Variants in CNTN3 observed in about 807,000 individuals in gnomAD.
CNTN3 encodes contactin 3.
Under a neutral mutation model 119.1 loss-of-function variants are expected in CNTN3, and 60 were observed. That is an observed-to-expected ratio of 0.50 (90% CI 0.41 to 0.62). The LOEUF (loss-of-function observed/expected upper bound fraction) is 0.62, where lower values mean the gene tolerates loss of function less well. CNTN3 is among the 20% of genes least tolerant of loss of function. The pLI, the probability that CNTN3 is intolerant of heterozygous loss-of-function variation, is 0.00. For missense variants in CNTN3, 1,101 were observed against 1,242.4 expected, an observed-to-expected ratio of 0.89 and a Z score of 1.71; for synonymous variants, 450 against 438.7, an observed-to-expected ratio of 1.03 and a Z score of -0.32.
intron 1 of CNTN3, among the ~76,000 whole-genome samples, chr3:74,583,657 G>A (rs1356792129): frequency 6.6e-6 from 1 of 152,164 alleles, no homozygotes; most frequent in Non-Finnish European, 1.5e-5. Context: ...CCTGTGACTA[G>A]CTGGGTATAA....
chr3:74,570,389 G>A (rs893499485), intron 1 of CNTN3, among the ~76,000 whole-genome samples: 24 of 151,994 alleles, frequency 1.6e-4, no homozygotes, highest in African/African-American at 5.3e-4. Flanking sequence ...AGAGTATTCT[G>A]TTCATGTAGA....
intron 1 of CNTN3, among the ~76,000 whole-genome samples, chr3:74,586,524 A>G (rs1170801111): frequency 6.6e-6 from 1 of 152,084 alleles, no homozygotes; most frequent in Admixed American, 6.6e-5. Context: ...ATAGAGCACA[A>G]ATTTGGACTG....
chr3:74,388,125 G>A (rs1441696620), intron 5 of CNTN3, among the ~76,000 whole-genome samples: 3 of 152,156 alleles, frequency 2.0e-5, no homozygotes, highest in Non-Finnish European at 4.4e-5. Flanking sequence ...ACTGCCAGGA[G>A]AGTGTCTGAT....
At chr3:74,352,888 G>A (rs1240579181) in intron 11 of CNTN3, among the ~76,000 whole-genome samples, 1 of 152,158 alleles carries the variant, frequency 6.6e-6, no homozygotes, top group African/African-American at 2.4e-5. Context: ...CACTGAGCTT[G>A]CACGCCTACC....
chr3:74,385,990 A>AT (rs1158080722), intron 5 of CNTN3, among the ~76,000 whole-genome samples: 2 of 152,094 alleles, frequency 1.3e-5, no homozygotes, highest in Non-Finnish European at 2.9e-5. Flanking sequence ...ATATTAACTT[A>AT]TTTTTTCCTC....
intron 5 of CNTN3, among the ~76,000 whole-genome samples, chr3:74,415,664 T>C (rs1701508019): frequency 6.6e-6 from 1 of 152,094 alleles, no homozygotes; most frequent in African/African-American, 2.4e-5. Flanking sequence ...CACAAGCTGT[T>C]TCATAGAACC....
At chr3:74,450,781 T>C (rs1289106123) in intron 4 of CNTN3, among the ~76,000 whole-genome samples, 2 of 151,312 alleles carry the variant, frequency 1.3e-5, no homozygotes, top group South Asian at 2.1e-4. Context: ...TTTGTTCTTG[T>C]GATAGTTTAC....
At chr3:74,399,956 TGA>T (rs1705152606) in intron 5 of CNTN3, among the ~76,000 whole-genome samples, 1 of 152,202 alleles carries the variant, frequency 6.6e-6, no homozygotes, top group African/African-American at 2.4e-5. Context: ...GGTGTCTTAC[TGA>T]TGTTTTTATC....
chr3:74,418,774 T>A (rs1388395626), intron 5 of CNTN3, among the ~76,000 whole-genome samples: 7 of 151,688 alleles, frequency 4.6e-5, no homozygotes, highest in Non-Finnish European at 1.0e-4. Flanking sequence ...TTAAAGTTTA[T>A]TTTATTTTAA....
intron 1 of CNTN3, among the ~76,000 whole-genome samples, chr3:74,607,516 G>C (rs1233801644): frequency 6.6e-6 from 1 of 152,156 alleles, no homozygotes; most frequent in Admixed American, 6.5e-5. Flanking sequence ...TCCTGCCCAA[G>C]CCTGACCACA....
At chr3:74,562,238 T>C (rs1704164103) in intron 1 of CNTN3, among the ~76,000 whole-genome samples, 1 of 152,192 alleles carries the variant, frequency 6.6e-6, no homozygotes, top group Non-Finnish European at 1.5e-5. Flanking sequence ...TGACTAGCTG[T>C]GAAAATAAAC....
intron 5 of CNTN3, among the ~76,000 whole-genome samples, chr3:74,372,085 C>CAG (rs1704353910): frequency 6.6e-6 from 1 of 152,154 alleles, no homozygotes. Context: ...TGCTCCTATA[C>CAG]AGAGTAATTC....
chr3:74,454,803 T>G (rs976514954), intron 4 of CNTN3, among the ~76,000 whole-genome samples: 1 of 152,094 alleles, frequency 6.6e-6, no homozygotes, highest in South Asian at 2.1e-4. Flanking sequence ...AATTCTGGGT[T>G]GAAAATTCTT....
chr3:74,441,673 G>A (rs759087522), intron 4 of CNTN3, among the ~76,000 whole-genome samples: 1 of 152,074 alleles, frequency 6.6e-6, no homozygotes, highest in Non-Finnish European at 1.5e-5. Flanking sequence ...GATGAAAATG[G>A]GACAAATCTA....
chr3:74,295,411 A>G (rs1377984725), intron 18 of CNTN3, among the ~76,000 whole-genome samples, 175 bp from the exon 19 acceptor site: 1 of 152,220 alleles, frequency 6.6e-6, no homozygotes, highest in Non-Finnish European at 1.5e-5. Context: ...TTAGGAAAAG[A>G]TGGCATCATA....
At chr3:74,318,750 G>A (rs765411972) in intron 13 of CNTN3, among the ~76,000 whole-genome samples, 4 of 152,058 alleles carry the variant, frequency 2.6e-5, no homozygotes, top group Non-Finnish European at 4.4e-5. Flanking sequence ...GCCATGTGAG[G>A]TGTCAGTCTG....
intron 10 of CNTN3, among the ~76,000 whole-genome samples, chr3:74,363,676 A>G (rs1476300576): frequency 6.6e-6 from 1 of 152,158 alleles, no homozygotes; most frequent in Non-Finnish European, 1.5e-5. Context: ...TTCCACTGGA[A>G]TGACTGTGGT....
intron 19 of CNTN3, among the ~76,000 whole-genome samples, chr3:74,288,541 A>G (rs1328598355): frequency 6.6e-6 from 1 of 152,162 alleles, no homozygotes; most frequent in African/African-American, 2.4e-5. Context: ...GAAGGCATCA[A>G]TGAAGTTTAA....
At chr3:74,381,001 A>C (rs1351585301) in intron 5 of CNTN3, among the ~76,000 whole-genome samples, 7 of 151,658 alleles carry the variant, frequency 4.6e-5, no homozygotes, top group African/African-American at 1.7e-4. Context: ...CCAAATTACA[A>C]GGGTCTTCTT....
Sources: allele counts gnomAD v4.1 joint callset (sites outside exome capture counted in the v4.1 genomes callset), GRCh38; gene constraint gnomAD v4.1.1; transcripts MANE v1.5; gene names NCBI Gene and HGNC (gene_info 2026-07-23, HGNC 2026-07-21).